Variants in THOC6 observed in about 807,000 individuals in gnomAD.
The protein encoded by THOC6 is THO complex 6.
Under a neutral mutation model 55.8 loss-of-function variants are expected in THOC6, and 39 were observed. The observed-to-expected ratio is 0.70, with a 90% CI of 0.54 to 0.91. THOC6 has a LOEUF of 0.91. Among genes scored for constraint, THOC6 ranks in the 40% least tolerant of loss-of-function variants. The pLI is 0.00. For missense variants in THOC6, 482 were observed against 442.0 expected (o/e 1.09, Z -0.81); for synonymous variants, 192 against 175.6 (o/e 1.09, Z -0.74).
intron 6 of THOC6, 46 bp from the exon 7 acceptor site, chr16:3,026,470 A>G: frequency 6.2e-7 from 1 of 1,613,990 alleles, no homozygotes; most frequent in South Asian, 1.1e-5. Flanking sequence ...CCCTCTGCCT[A>G]TCCTGATTTG....
rs2072838364 is a variant in THOC6, at chr16:3,027,704, ATTTTC to A, written c.*52_*56del. 7.2e-7 allele frequency: 1 copy of A among 1,384,308 alleles called. No individual in the cohort carries two copies. The highest frequency in any genetic ancestry group is 9.4e-7 in the Non-Finnish European group (1 of 1,062,946). The allele number at this position is 1,384,308 out of a possible 1,614,324, so 85.8% of individuals were successfully genotyped here. The stretch of plus-strand genomic sequence containing the variant: ...AGCTCAGGGTTTTAGAGTGTTTTTC[ATTTTC>A]TTTTTTTTTTTTTTTTTACAATAAA... On this transcript the variant is annotated 3_prime_UTR_variant, in exon 13 of 13. Transcript: ENST00000326266.
At chr16:3,025,620 C>A in intron 1 of THOC6, 88 bp from the exon 2 acceptor site, 1 of 1,268,146 alleles carries the variant, frequency 7.9e-7, no homozygotes, top group Non-Finnish European at 1.1e-6. Flanking sequence ...AGTGGGAGGC[C>A]TGGCAGGTTT....
rs372566989 is a variant in THOC6, at chr16:3,026,022, T to G, written c.220+34T>G. The G allele has an allele frequency of 2.3e-4, 368 of 1,613,992 alleles. No individual in the cohort carries two copies. Among genetic ancestry groups the G allele is most frequent in the Non-Finnish European group, 3.0e-4 (354 of 1,180,006 alleles). ...ACCTGTGGAGTCTGGCTTCAGGACT[T>G]TGGGTGGGATTGGCTCACTCAGTTC... On this transcript the variant is annotated intron_variant, in intron 3 of 12. Coordinates refer to ENST00000326266, the MANE Select transcript of THOC6 (RefSeq NM_024339.5).
chr16:3,026,358 T>G lies in THOC6; in HGVS notation c.363-7T>G. On this transcript the variant is annotated splice_polypyrimidine_tract_variant and splice_region_variant and intron_variant, in intron 5 of 12. Coordinates refer to ENST00000326266, the MANE Select transcript of THOC6 (RefSeq NM_024339.5). ...CTTCCTCACTGACCTTGCCTTTCCT[T>G]CCCCAGGACCAGCCTGGAAGTGCCT... is the stretch of plus-strand genomic sequence containing the variant. 5 of 1,613,954 alleles carry G rather than the reference T, an allele frequency of 3.1e-6. No homozygotes were observed. Among genetic ancestry groups the G allele is most frequent in the Non-Finnish European group, 4.2e-6 (5 of 1,179,992 alleles).
chr16:3,026,913 C>T lies in THOC6; in HGVS notation c.633C>T (p.His211=), dbSNP rs747484760. 3.2e-5 allele frequency: 51 copies of T among 1,614,076 alleles called. No homozygotes were observed. The highest frequency in any genetic ancestry group is 4.1e-5 in the Non-Finnish European group (48 of 1,180,046). The part of the protein sequence containing the change: ...KEVQTIEVYK[H]EECSRPHNGR... ...TCCAGACGATCGAGGTCTATAAGCA[C>T]GAGGTGAGGGTGTGACCGTGGCCAT... is the stretch of plus-strand genomic sequence containing the variant. Residue 211 remains histidine, a synonymous_variant, in exon 9 of 13, where the codon CAC becomes CAT. Transcript: ENST00000326266.
chr16:3,026,809 G>A, intron 8 of THOC6, 28 bp downstream of exon 8: 1 of 1,614,018 alleles, frequency 6.2e-7, no homozygotes, highest in Non-Finnish European at 8.5e-7. Flanking sequence ...TGGAGGGCAA[G>A]ATGGCAGTGA....
In THOC6 at chr16:3,026,506, T is replaced by C. The variant is rs1263050501; in HGVS notation, c.412-10T>C. 1.2e-6 allele frequency: 2 copies of C among 1,614,060 alleles called. No individual in the cohort carries two copies. Among genetic ancestry groups the C allele is most frequent in the Non-Finnish European group, 1.7e-6 (2 of 1,180,000 alleles). On this transcript the variant is annotated splice_polypyrimidine_tract_variant and intron_variant, in intron 6 of 12. Coordinates refer to ENST00000326266, the MANE Select transcript of THOC6 (RefSeq NM_024339.5). The stretch of plus-strand genomic sequence containing the variant: ...ACATTGACTTTCTGCCTCATCCTGC[T>C]CCTCCACAGGAGAATTCCCTCATCC...
chr16:3,024,250 G>A lies in THOC6; in HGVS notation c.-77G>A. ...GCCGAAGGCGGTAGGGCGCCACGGA[G>A]AGGAACCGCTCTAGGCACGTAAGGC... On this transcript the variant is annotated 5_prime_UTR_variant, in exon 1 of 13. Coordinates refer to ENST00000326266, the MANE Select transcript of THOC6 (RefSeq NM_024339.5). 6.3e-7 allele frequency: 1 copy of A among 1,590,892 alleles called. No homozygotes were observed. Among genetic ancestry groups the A allele is most frequent in the Admixed American group, 1.7e-5 (1 of 59,642 alleles).
At chr16:3,025,349 C>T (rs1038355668) in intron 1 of THOC6, among the ~76,000 whole-genome samples, 10 of 152,234 alleles carry the variant, frequency 6.6e-5, no homozygotes, top group Admixed American at 1.3e-4. Flanking sequence ...CCACCACACC[C>T]GGCTTAAGCA....
At position 3,024,349 on chromosome 16, in the gene THOC6, C is replaced by T; in HGVS notation, c.23C>T (p.Ala8Val). MERAVPLAVPLGQTEVFQ... is the reference protein window; with the variant it reads MERAVPLVVPLGQTEVFQ... ...GAGATGGAGCGAGCTGTGCCGCTCG[C>T]GGTGCCTCTGGGTCAGGTGAGACGG... is the stretch of plus-strand genomic sequence containing the variant. Residue 8 changes from alanine to valine, a missense_variant, in exon 1 of 13, where the codon GCG (alanine) becomes GTG (valine). Physicochemically the swap from Ala to Val is moderately conservative, Grantham distance 64. Transcript: ENST00000326266. The T allele has an allele frequency of 1.2e-6, 2 of 1,614,142 alleles. No homozygotes were observed. The highest frequency in any genetic ancestry group is 2.2e-5 in the South Asian group (2 of 91,086).
Position 3,027,713 on chromosome 16 carries a change from T to C in THOC6, c.*56T>C, listed in dbSNP as rs1436021577. ...TTTTAGAGTGTTTTTCATTTTCTTT[T>C]TTTTTTTTTTTTTACAATAAAGTTT... On this transcript the variant is annotated 3_prime_UTR_variant, in exon 13 of 13. Transcript: ENST00000326266. The C allele has an allele frequency of 3.2e-5, 35 of 1,103,280 alleles. No individual in the cohort carries two copies. Among genetic ancestry groups the C allele is most frequent in the South Asian group, 1.6e-4 (8 of 50,870 alleles). 68.3% of individuals were successfully genotyped at this position (1,103,280 alleles called of 1,614,324 possible).
intron 7 of THOC6, 40 bp from the exon 8 acceptor site, chr16:3,026,639 C>T (rs766615204): frequency 6.2e-7 from 1 of 1,610,898 alleles, no homozygotes; most frequent in South Asian, 1.1e-5. Context: ...GAGAGGCACT[C>T]TTCCTAGGTC....
In THOC6 at chr16:3,025,804, G is replaced by A. The variant is rs587777030; in HGVS notation, c.136G>A (p.Gly46Arg). 1.9e-6 allele frequency: 3 copies of A among 1,614,036 alleles called. No homozygotes were observed. Among genetic ancestry groups the A allele is most frequent in the Non-Finnish European group, 2.5e-6 (3 of 1,180,034 alleles). ...GKFLAAGNNY[G>R]QIAIFSLSSA... ...GTTTCTGGCGGCTGGCAACAATTAC[G>A]GGCAGATTGCCATCTTCAGGTACCC... Residue 46 changes from glycine (G) to arginine (R), a missense_variant, in exon 2 of 13, where the codon GGG becomes AGG. Transcript: ENST00000326266.
In THOC6 at chr16:3,025,992, G is replaced by C; in HGVS notation, c.220+4G>C. On this transcript the variant is annotated splice_donor_region_variant and intron_variant, in intron 3 of 12. Coordinates refer to ENST00000326266, the MANE Select transcript of THOC6 (RefSeq NM_024339.5). ...AAGCCGGTGGTGACTTTCCAAGGTG[G>C]GTATACCTGTGGAGTCTGGCTTCAG... is the stretch of plus-strand genomic sequence containing the variant. The C allele has an allele frequency of 6.2e-7, 1 of 1,614,146 alleles. No homozygotes were observed. The highest frequency in any genetic ancestry group is 8.5e-7 in the Non-Finnish European group (1 of 1,180,036).
chr16:3,026,251 G>A lies in THOC6; in HGVS notation c.325G>A (p.Gly109Ser). 1.2e-6 allele frequency: 2 copies of A among 1,614,108 alleles called. No homozygotes were observed. The highest frequency in any genetic ancestry group is 1.7e-6 in the Non-Finnish European group (2 of 1,180,026). The change falls in exon 5 of 13, where the codon GGC becomes AGC. Residue 109 changes from glycine to serine, a missense_variant and splice_region_variant. Physicochemically the swap from Gly to Ser is moderately conservative, Grantham distance 56 (BLOSUM62 0). Transcript: ENST00000326266. ...AWLWAEMLKK[G>S]CKELWRRQPP... Reference sequence around the variant, plus strand: ...TCACCTGGTATTTTCTCTTTTGAAGGGCTGTAAGGAGCTGTGGCGTCGTCA... The same window carrying A: ...TCACCTGGTATTTTCTCTTTTGAAGAGCTGTAAGGAGCTGTGGCGTCGTCA...
rs781468310 is a variant in THOC6, at chr16:3,026,567, C to T, written c.463C>T (p.Leu155Phe). The T allele has an allele frequency of 9.3e-6, 15 of 1,614,080 alleles. No homozygotes were observed. In the South Asian group the frequency reaches 1.5e-4, roughly 17 times the overall value. The change falls in exon 7 of 13, where the codon CTT (leucine) becomes TTT (phenylalanine). Residue 155 changes from leucine to phenylalanine, a missense_variant. By Grantham distance (22) the Leu-to-Phe change is conservative. Coordinates refer to ENST00000326266, the MANE Select transcript of THOC6 (RefSeq NM_024339.5). ...AGACTGTCAGTTGCACACTATGGAC[C>T]TTGAAACTGGGACTTTCACGGTGAG... ...GGDCQLHTMD[L>F]ETGTFTRVLR...
At chr16:3,026,658 A>G (rs748477565) in intron 7 of THOC6, 21 bp from the exon 8 acceptor site, 96 of 1,610,754 alleles carry the variant, frequency 6.0e-5, no homozygotes, top group Admixed American at 2.3e-4. Flanking sequence ...TCTCCTCCTG[A>G]CATCGCCCCT....
At chr16:3,026,843 C>T (rs1269921859) in intron 8 of THOC6, 24 bp from the exon 9 acceptor site, 10 of 1,614,144 alleles carry the variant, frequency 6.2e-6, no homozygotes, top group Non-Finnish European at 7.6e-6. Context: ...AAGTGGGGCA[C>T]CACTCACAGT....
chr16:3,024,083 G>A lies in THOC6; in HGVS notation c.-244G>A, dbSNP rs1184590835. 6.5e-6 allele frequency: 5 copies of A among 769,080 alleles called. No individual in the cohort carries two copies. In the African/African-American group the frequency reaches 8.8e-5, roughly 13 times the overall value. The allele number at this position is 769,080 out of a possible 1,614,324, so 47.6% of individuals were successfully genotyped here. ...CGCGGAAGACGGGCGGCGCGTGGCG[G>A]AAGGCAGGCTTGCTCCTCGGGGTGG... On this transcript the variant is annotated 5_prime_UTR_variant, in exon 1 of 13. Transcript: ENST00000326266.
Sources: allele counts gnomAD v4.1 joint callset (sites outside exome capture counted in the v4.1 genomes callset), GRCh38; gene constraint gnomAD v4.1.1; transcripts MANE v1.5; gene names NCBI Gene and HGNC (gene_info 2026-07-23, HGNC 2026-07-21).